SNTG2: variants seen among roughly 807,000 people sequenced by gnomAD.
SNTG2 encodes the protein gamma-2-syntrophin.
SNTG2 carries 74 observed loss-of-function variants against 70.9 expected under a neutral mutation model. The observed-to-expected ratio is 1.04, with a 90% CI of 0.86 to 1.27. The LOEUF (loss-of-function observed/expected upper bound fraction) is 1.27. Among genes scored for constraint, SNTG2 ranks in the 50% most tolerant of loss-of-function variants. The pLI, the probability that SNTG2 is intolerant of heterozygous loss-of-function variation, is 0.00. For missense variants in SNTG2, 717 were observed against 690.7 expected (o/e 1.04, Z -0.43); for synonymous variants, 278 against 273.8 (o/e 1.02, Z -0.15).
intron 1 of SNTG2, among the ~76,000 whole-genome samples, chr2:987,490 G>A (rs1382453232): frequency 6.6e-6 from 1 of 152,030 alleles, no homozygotes; most frequent in African/African-American, 2.4e-5. Context: ...CAGCGTCAGA[G>A]GAGAGGTGAG....
At chr2:1,289,426 C>T (rs535173426) in intron 14 of SNTG2, among the ~76,000 whole-genome samples, 6 of 152,198 alleles carry the variant, frequency 3.9e-5, no homozygotes, top group South Asian at 2.1e-4. Context: ...CCCCTTCCTC[C>T]GTCTCACTCC....
At chr2:982,161 A>G (rs1661124895) in intron 1 of SNTG2, among the ~76,000 whole-genome samples, 1 of 150,754 alleles carries the variant, frequency 6.6e-6, no homozygotes, top group African/African-American at 2.4e-5. Context: ...TTATTAAGTC[A>G]CTCACCTGTG....
intron 6 of SNTG2, among the ~76,000 whole-genome samples, chr2:1,141,825 T>C (rs975828213): frequency 1.3e-5 from 2 of 151,992 alleles, no homozygotes; most frequent in East Asian, 3.9e-4. Context: ...TTTGGGGCCC[T>C]GAGACAAGTG....
intron 1 of SNTG2, among the ~76,000 whole-genome samples, chr2:1,002,851 C>A (rs1380912094): frequency 6.6e-6 from 1 of 151,302 alleles, no homozygotes; most frequent in Non-Finnish European, 1.5e-5. Flanking sequence ...TCAATGTGTT[C>A]TTCAATGAAT....
At chr2:1,016,330 C>T (rs920555588) in intron 1 of SNTG2, among the ~76,000 whole-genome samples, 3 of 152,236 alleles carry the variant, frequency 2.0e-5, no homozygotes, top group African/African-American at 7.2e-5. Context: ...CAGCCTCTGC[C>T]TCCCAGGTTC....
intron 2 of SNTG2, among the ~76,000 whole-genome samples, chr2:1,087,250 G>A (rs1292986782): frequency 6.6e-6 from 1 of 152,200 alleles, no homozygotes; most frequent in Non-Finnish European, 1.5e-5. Flanking sequence ...TTGTCCTCAT[G>A]GCTGTGCTGG....
intron 6 of SNTG2, chr2:1,160,226 A>G (rs1484779417): frequency 6.6e-6 from 1 of 152,176 alleles, no homozygotes; most frequent in Non-Finnish European, 1.5e-5. Context: ...TCTGATCAAT[A>G]TGACCAAACT....
intron 13 of SNTG2, among the ~76,000 whole-genome samples, chr2:1,265,361 T>A (rs1238655362): frequency 6.6e-6 from 1 of 152,162 alleles, no homozygotes; most frequent in Non-Finnish European, 1.5e-5. Flanking sequence ...CACATTCATG[T>A]TCACATACAT....
intron 1 of SNTG2, among the ~76,000 whole-genome samples, chr2:1,060,320 C>G (rs183926408): frequency 6.6e-6 from 1 of 152,064 alleles, no homozygotes; most frequent in Non-Finnish European, 1.5e-5. Context: ...ATATTGATAC[C>G]TATCTAATGG....
In SNTG2 at chr2:1,218,362, C is replaced by G. The variant is rs1674534042; in HGVS notation, c.719+9132C>G. 2.0e-5 allele frequency among the ~76,000 whole-genome samples: 3 copies of G among 152,354 alleles called. No individual in the cohort carries two copies. The South Asian group carries it at 6.2e-4, about 32-fold the overall frequency. On this transcript the variant is annotated intron_variant, in intron 9 of 16. Transcript: ENST00000308624. ...CTGGAGCAGATGTTTCCACCAAGGTCTGAGAACTGGGGGCTGCCTTAGAAC... is the reference window on the plus strand; with the variant it reads ...CTGGAGCAGATGTTTCCACCAAGGTGTGAGAACTGGGGGCTGCCTTAGAAC...
chr2:1,285,427 A>C (rs1679726937), intron 14 of SNTG2, among the ~76,000 whole-genome samples: 1 of 152,176 alleles, frequency 6.6e-6, no homozygotes, highest in Admixed American at 6.5e-5. Flanking sequence ...TCTTCAAATA[A>C]AGACAATCAT....
intron 14 of SNTG2, among the ~76,000 whole-genome samples, chr2:1,303,034 C>G (rs1056338387): frequency 5.3e-5 from 8 of 152,128 alleles, no homozygotes; most frequent in African/African-American, 1.7e-4. Context: ...ACAGAAAAAT[C>G]TACAATTACA....
rs7594313 is a variant in SNTG2 at position 1,093,285 on chromosome 2, A to G, written c.211-4911A>G. Among the ~76,000 whole-genome samples the G allele has an allele frequency of 3.1e-3, 469 of 152,264 alleles. 2 individuals carry two copies. Among genetic ancestry groups the G allele is most frequent in the African/African-American group, 0.011 (453 of 41,554 alleles). On this transcript the variant is annotated intron_variant, in intron 2 of 16. Coordinates refer to ENST00000308624, the MANE Select transcript of SNTG2 (RefSeq NM_018968.4). ...TTGGTTGCATTAGAAATGCCTTTTG[A>G]TGACATTAGTTTGTCTAGATATCAG...
At chr2:1,094,747 A>G (rs1276113549) in intron 2 of SNTG2, among the ~76,000 whole-genome samples, 3 of 60,848 alleles carry the variant, frequency 4.9e-5, no homozygotes, top group Non-Finnish European at 5.7e-5. Context: ...CGAAGGCCTT[A>G]TAGGTGTGTC....
chr2:1,174,694 G>T (rs1461776455), intron 8 of SNTG2, among the ~76,000 whole-genome samples: 1 of 152,144 alleles, frequency 6.6e-6, no homozygotes, highest in Admixed American at 6.6e-5. Context: ...TCCAGTGCTA[G>T]GTAATTTTTG....
chr2:1,350,600 G>C (rs1327429303), intron 16 of SNTG2, among the ~76,000 whole-genome samples: 1 of 152,128 alleles, frequency 6.6e-6, no homozygotes, highest in African/African-American at 2.4e-5. Flanking sequence ...GTCATTTGCT[G>C]GCATTGATGA....
At chr2:1,158,949 T>G (rs1195579416) in intron 6 of SNTG2, among the ~76,000 whole-genome samples, 1 of 152,086 alleles carries the variant, frequency 6.6e-6, no homozygotes, top group Admixed American at 6.5e-5. Context: ...TCTTGGAATG[T>G]GTTACTAAAG....
intron 1 of SNTG2, among the ~76,000 whole-genome samples, chr2:1,076,536 T>C (rs1663927596): frequency 1.3e-5 from 2 of 152,242 alleles, no homozygotes; most frequent in African/African-American, 2.4e-5. Context: ...GTGAGTGTTA[T>C]GCTGTGTGAT....
chr2:1,150,841 C>G (rs555525225), intron 6 of SNTG2, among the ~76,000 whole-genome samples: 4 of 152,214 alleles, frequency 2.6e-5, no homozygotes, highest in African/African-American at 9.6e-5. Flanking sequence ...GTGGAGGCAG[C>G]TGGGGTCGGC....
Sources: gnomAD v4.1 joint callset for allele counts (sites outside exome capture counted in the v4.1 genomes callset) on GRCh38, gnomAD v4.1.1 for gene constraint, MANE v1.5 for transcripts, NCBI Gene and HGNC (gene_info 2026-07-23, HGNC 2026-07-21) for gene names.